Variants in ZNF574 observed in about 807,000 individuals in gnomAD.
ZNF574 encodes the protein zinc finger protein 574.
In ZNF574, 25 loss-of-function variants were observed where a neutral mutation model predicts 56.6. The observed-to-expected ratio is 0.44, with a 90% confidence interval of 0.32 to 0.62. The LOEUF (loss-of-function observed/expected upper bound fraction) is 0.62, where lower values mean the gene tolerates loss of function less well. ZNF574 is among the 20% of genes least tolerant of loss of function. ZNF574 has a pLI of 0.04. For missense variants in ZNF574, 1,065 were observed against 1,218.9 expected, an observed-to-expected ratio of 0.87 and a Z score of 1.88; for synonymous variants, 543 against 492.1, an observed-to-expected ratio of 1.10 and a Z score of -1.37.
rs1238580550 is a variant in ZNF574, at chr19:42,080,341, T to C, written c.1735T>C (p.Tyr579His). ...CTTGGTGCATGCCCAGCACTTCCCC[T>C]ACCGCTGCCAGGAATGTGGGGTGCG... ...HRLVHAQHFP[Y>H]RCQECGVRFH... Residue 579 changes from tyrosine to histidine, a missense_variant, in exon 2 of 2, where the codon TAC becomes CAC. Tyr to His is a moderately conservative substitution (Grantham distance 83). Coordinates refer to ENST00000359044, the MANE Select transcript of ZNF574 (RefSeq NM_022752.6). This position sits in a 1 kb window ranked among gnomAD's most constrained non-coding sequence, Gnocchi z 8.5. The C allele has an allele frequency of 1.9e-6, 3 of 1,614,180 alleles. No homozygotes were observed.
In ZNF574 at chr19:42,081,018, C is replaced by A; in HGVS notation, c.2412C>A (p.Ala804=). Residue 804 remains alanine, a synonymous_variant, in exon 2 of 2, where the codon GCC becomes GCA. Coordinates refer to ENST00000359044, the MANE Select transcript of ZNF574 (RefSeq NM_022752.6). ...GTGAAGTGTGTGGCAAGGCCTTTGC[C>A]ATCTCCATGCGCCTGGCAGAACATC... ...FACEVCGKAF[A]ISMRLAEHRR... is the part of the protein sequence containing the mutation. 1 of 1,614,236 alleles carries A rather than the reference C, an allele frequency of 6.2e-7. No homozygotes were observed. Among genetic ancestry groups the A allele is most frequent in the Non-Finnish European group, 8.5e-7 (1 of 1,180,056 alleles).
upstream of ZNF574, among the ~76,000 whole-genome samples, chr19:42,075,849 G>C (rs2076451375): frequency 6.6e-6 from 1 of 152,060 alleles, no homozygotes; most frequent in Non-Finnish European, 1.5e-5. Flanking sequence ...TAACGTCATC[G>C]CGCCGCCCTC....
rs752627019 is a variant in ZNF574, at chr19:42,079,095, G to A, written c.489G>A (p.Gly163=). The A allele has an allele frequency of 6.2e-7, 1 of 1,614,150 alleles. No individual in the cohort carries two copies. Among genetic ancestry groups the A allele is most frequent in the South Asian group, 1.1e-5 (1 of 91,082 alleles). Residue 163 remains glycine (G), a synonymous_variant, in exon 2 of 2, where the codon GGG becomes GGA. Transcript: ENST00000359044. The surrounding 1 kb of genome is among the most constrained non-coding windows in gnomAD (Gnocchi z 4.3). ...AGGCTCCTGCCCCTGTTGTCCTGGG[G>A]TCCCCAGTTGTTCTAGGGCCTCCTG... ...PTKAPAPVVL[G]SPVVLGPPVG... is the part of the protein sequence containing the mutation.
chr19:42,080,084 G>A lies in ZNF574; in HGVS notation c.1478G>A (p.Arg493Gln), dbSNP rs745305730. 7 of 1,613,978 alleles carry A rather than the reference G, an allele frequency of 4.3e-6. No homozygotes were observed. Among genetic ancestry groups the A allele is most frequent in the South Asian group, 2.2e-5 (2 of 91,088 alleles). The change falls in exon 2 of 2, where the codon CGG becomes CAG. Residue 493 changes from arginine to glutamine, a missense_variant. By Grantham distance (43) the Arg-to-Gln change is conservative. Transcript: ENST00000359044. This position sits in a 1 kb window ranked among gnomAD's most constrained non-coding sequence, Gnocchi z 8.5. ...CAACGTTTTGTGCATCGGCTGGAGC[G>A]GCGCCATAAATGCAGCATTTGTGGC... is the stretch of plus-strand genomic sequence containing the variant. The part of the protein sequence containing the change: ...RHQRFVHRLE[R>Q]RHKCSICGKM...
chr19:42,075,425 A>G (rs910951786), upstream of ZNF574, among the ~76,000 whole-genome samples: 1 of 152,008 alleles, frequency 6.6e-6, no homozygotes, highest in Non-Finnish European at 1.5e-5. Flanking sequence ...ATTTCTTCCA[A>G]TGAAATTGTC....
rs768219609 is a variant in ZNF574 at position 42,079,250 on chromosome 19, A to G, written c.644A>G (p.Lys215Arg). 33 of 1,613,984 alleles carry G rather than the reference A, an allele frequency of 2.0e-5. No homozygotes were observed. Among genetic ancestry groups the G allele is most frequent in the Non-Finnish European group, 2.6e-5 (31 of 1,179,964 alleles). ...VVTEVELLLYKCSECSQLFQL... is the reference protein window; with the variant it reads ...VVTEVELLLYRCSECSQLFQL... Reference sequence around the variant, plus strand: ...ACTGAGGTGGAGCTGCTCCTCTACAAGTGCTCTGAGTGCTCCCAGCTCTTC... The same window carrying G: ...ACTGAGGTGGAGCTGCTCCTCTACAGGTGCTCTGAGTGCTCCCAGCTCTTC... The change falls in exon 2 of 2, where the codon AAG becomes AGG. Residue 215 changes from lysine (K) to arginine (R), a missense_variant. By Grantham distance (26) the Lys-to-Arg change is conservative. Transcript: ENST00000359044. This position sits in a 1 kb window ranked among gnomAD's most constrained non-coding sequence, Gnocchi z 4.3.
Position 42,079,346 on chromosome 19 carries a change from C to T in ZNF574, c.740C>T (p.Pro247Leu), listed in dbSNP as rs374849520. ...GCTCCTGTACCCGAGTCTCAGGAGCCTGCCTTACAGCAGGAGGTGCAGGCC... is the reference window on the plus strand; with the variant it reads ...GCTCCTGTACCCGAGTCTCAGGAGCTTGCCTTACAGCAGGAGGTGCAGGCC... The part of the protein sequence containing the change: ...FPAPVPESQE[P>L]ALQQEVQASS... Residue 247 changes from proline (P) to leucine (L), a missense_variant, in exon 2 of 2, where the codon CCT becomes CTT. Physicochemically the swap from Pro to Leu is moderately conservative, Grantham distance 98. Coordinates refer to ENST00000359044, the MANE Select transcript of ZNF574 (RefSeq NM_022752.6). This position sits in a 1 kb window ranked among gnomAD's most constrained non-coding sequence, Gnocchi z 4.3. The T allele has an allele frequency of 4.3e-6, 7 of 1,613,452 alleles. No individual in the cohort carries two copies. The highest frequency in any genetic ancestry group is 5.1e-6 in the Non-Finnish European group (6 of 1,179,652).
At position 42,076,242 on chromosome 19, in the gene ZNF574, G is replaced by A. The variant is rs990497952; in HGVS notation, c.-65G>A. 1 of 152,244 alleles carries A rather than the reference G, an allele frequency of 6.6e-6. No homozygotes were observed. Among genetic ancestry groups the A allele is most frequent in the African/African-American group, 2.4e-5 (1 of 41,450 alleles). 9.4% of individuals were successfully genotyped at this position (152,244 alleles called of 1,614,324 possible). ...CGCAGCGTTAGGGTGGCCGTGCAAG[G>A]GGAGCCGTGGCCCGGGCCCGGGGCG... On this transcript the variant is annotated 5_prime_UTR_variant, in exon 1 of 2. Transcript: ENST00000359044.
rs1421272533 is a variant in ZNF574 at position 42,081,435 on chromosome 19, T to C, written c.*138T>C. 1 of 1,196,654 alleles carries C rather than the reference T, an allele frequency of 8.4e-7. No individual in the cohort carries two copies. Among genetic ancestry groups the C allele is most frequent in the Non-Finnish European group, 1.2e-6 (1 of 825,688 alleles). 74.1% of individuals were successfully genotyped at this position (1,196,654 alleles called of 1,614,324 possible). On this transcript the variant is annotated 3_prime_UTR_variant, in exon 2 of 2. Transcript: ENST00000359044. Reference sequence around the variant, plus strand: ...TGTAAGTTCTAAATTGGATTTATTCTCTCGTGAGGGGGGTGCTCTGGGGTC... The same window carrying C: ...TGTAAGTTCTAAATTGGATTTATTCCCTCGTGAGGGGGGTGCTCTGGGGTC...
At chr19:42,070,186 C>T (rs987801517) in intron 1 of ZNF574, among the ~76,000 whole-genome samples, 2 of 151,858 alleles carry the variant, frequency 1.3e-5, no homozygotes, top group East Asian at 1.9e-4. Flanking sequence ...CTGCCGCCTG[C>T]GCTGGGTCCT....
Position 42,079,584 on chromosome 19 carries a change from G to A in ZNF574, c.978G>A (p.Gln326=), listed in dbSNP as rs1273593629. The change falls in exon 2 of 2, where the codon CAG becomes CAA. Residue 326 remains glutamine (Q), a synonymous_variant. Coordinates refer to ENST00000359044, the MANE Select transcript of ZNF574 (RefSeq NM_022752.6). The surrounding 1 kb of genome is among the most constrained non-coding windows in gnomAD (Gnocchi z 4.3). ...QLFLSPHQLQ[Q]HLRSHREGVF... ...TTCTCTCACCCCACCAGCTACAGCA[G>A]CACCTGCGGAGTCACCGGGAGGGCG... The A allele has an allele frequency of 1.2e-6, 2 of 1,614,032 alleles. No individual in the cohort carries two copies. The highest frequency in any genetic ancestry group is 2.7e-5 in the African/African-American group (2 of 74,944).
chr19:42,080,284 T>C lies in ZNF574; in HGVS notation c.1678T>C (p.Phe560Leu). Residue 560 changes from phenylalanine to leucine, a missense_variant, in exon 2 of 2, where the codon TTC becomes CTC. Transcript: ENST00000359044. This position sits in a 1 kb window ranked among gnomAD's most constrained non-coding sequence, Gnocchi z 8.5. ...CCGGTGTGGGGACTGTGGCAAGGCTTTCACGCAAAGCTCCACACTGAGGCA... is the reference window on the plus strand; with the variant it reads ...CCGGTGTGGGGACTGTGGCAAGGCTCTCACGCAAAGCTCCACACTGAGGCA... ...PYRCGDCGKA[F>L]TQSSTLRQHR... 6.2e-7 allele frequency: 1 copy of C among 1,614,000 alleles called. No homozygotes were observed. The highest frequency in any genetic ancestry group is 8.5e-7 in the Non-Finnish European group (1 of 1,179,972).
chr19:42,079,415 C>T lies in ZNF574; in HGVS notation c.809C>T (p.Pro270Leu). The T allele has an allele frequency of 5.6e-6, 9 of 1,613,712 alleles. No individual in the cohort carries two copies. The highest frequency in any genetic ancestry group is 7.6e-6 in the Non-Finnish European group (9 of 1,180,040). ...CCTGTGTCTCAGCCTGACCCCTTGC[C>T]AGCTTCTGACCACAGTTACGAGCTG... The part of the protein sequence containing the change: ...EVPVSQPDPL[P>L]ASDHSYELRN... The change falls in exon 2 of 2, where the codon CCA (proline) becomes CTA (leucine). Residue 270 changes from proline to leucine, a missense_variant. Transcript: ENST00000359044. The surrounding 1 kb of genome is among the most constrained non-coding windows in gnomAD (Gnocchi z 4.3).
rs775594312 is a variant in ZNF574 at position 42,080,446 on chromosome 19, C to T, written c.1840C>T (p.Arg614Cys). ...EYPYKCRECP[R>C]SFLLRRLLEV... ...CCCCTACAAGTGTCGCGAGTGCCCC[C>T]GCTCCTTCTTGCTGCGTCGGCTGCT... Residue 614 changes from arginine (R) to cysteine (C), a missense_variant, in exon 2 of 2, where the codon CGC becomes TGC. Coordinates refer to ENST00000359044, the MANE Select transcript of ZNF574 (RefSeq NM_022752.6). This position sits in a 1 kb window ranked among gnomAD's most constrained non-coding sequence, Gnocchi z 8.5. The T allele has an allele frequency of 2.0e-5, 32 of 1,614,072 alleles. No homozygotes were observed. Among genetic ancestry groups the T allele is most frequent in the South Asian group, 5.5e-5 (5 of 91,092 alleles).
intron 1 of ZNF574, among the ~76,000 whole-genome samples, chr19:42,076,834 G>C (rs1446949306): frequency 6.6e-6 from 1 of 152,120 alleles, no homozygotes; most frequent in Non-Finnish European, 1.5e-5. Context: ...AGCTAAGGAG[G>C]GGTCCAGTTG....
At position 42,079,175 on chromosome 19, in the gene ZNF574, G is replaced by C. The variant is rs181013078; in HGVS notation, c.569G>C (p.Gly190Ala). 1.5e-4 allele frequency: 246 copies of C among 1,613,892 alleles called. 2 individuals carry two copies. In the East Asian group the frequency reaches 5.3e-3, roughly 35 times the overall value. Residue 190 changes from glycine to alanine, a missense_variant, in exon 2 of 2, where the codon GGG (glycine) becomes GCG (alanine). Gly to Ala is a moderately conservative substitution (Grantham distance 60). Coordinates refer to ENST00000359044, the MANE Select transcript of ZNF574 (RefSeq NM_022752.6). This position sits in a 1 kb window ranked among gnomAD's most constrained non-coding sequence, Gnocchi z 4.3. ...EHSYRKAEEG[G>A]EGATVPSAAA... is the part of the protein sequence containing the mutation. ...TCATACCGAAAGGCAGAAGAGGGTG[G>C]GGAAGGGGCGACTGTCCCATCTGCC...
At position 42,079,357 on chromosome 19, in the gene ZNF574, C is replaced by T; in HGVS notation, c.751C>T (p.Gln251Ter). The change falls in exon 2 of 2, where the codon CAG (glutamine) becomes TAG (stop). Residue 251 changes from glutamine (Q) to a stop codon, truncating the protein, a stop_gained. Transcript: ENST00000359044. LOFTEE classifies it high-confidence loss of function. The surrounding 1 kb of genome is among the most constrained non-coding windows in gnomAD (Gnocchi z 4.3). Reference protein sequence around the residue: ...VPESQEPALQQEVQASSPAEV... With the variant: ...VPESQEPALQ Reference sequence around the variant, plus strand: ...CGAGTCTCAGGAGCCTGCCTTACAGCAGGAGGTGCAGGCCTCGTCACCTGC... The same window carrying T: ...CGAGTCTCAGGAGCCTGCCTTACAGTAGGAGGTGCAGGCCTCGTCACCTGC... The T allele has an allele frequency of 6.2e-7, 1 of 1,613,506 alleles. No individual in the cohort carries two copies. The highest frequency in any genetic ancestry group is 8.5e-7 in the Non-Finnish European group (1 of 1,179,826).
chr19:42,073,203 G>T (rs1048417514), upstream of ZNF574, among the ~76,000 whole-genome samples: 1 of 152,122 alleles, frequency 6.6e-6, no homozygotes, highest in Non-Finnish European at 1.5e-5. Context: ...CCTAACTATG[G>T]GAACTACGAC....
chr19:42,073,503 A>T (rs1264410854), upstream of ZNF574, among the ~76,000 whole-genome samples: 2 of 150,542 alleles, frequency 1.3e-5, no homozygotes, highest in Non-Finnish European at 3.0e-5. Flanking sequence ...CCTGGGCAAC[A>T]TAGTGAGACC....
Sources: gnomAD v4.1 joint callset for allele counts (sites outside exome capture counted in the v4.1 genomes callset) on GRCh38, gnomAD v4.1.1 for gene constraint, Gnocchi (gnomAD v3.1) non-coding constraint, MANE v1.5 for transcripts, NCBI Gene and HGNC (gene_info 2026-07-23, HGNC 2026-07-21) for gene names.